Variants in CADM2 observed in about 807,000 individuals in gnomAD.
CADM2 encodes the protein immunoglobulin superfamily member 4D.
CADM2 carries 12 observed loss-of-function variants against 49.8 expected under a neutral mutation model. The ratio of observed to expected loss-of-function variants is 0.24; its 90% CI spans 0.15 to 0.39. CADM2 has a LOEUF of 0.39. Ranked by LOEUF, CADM2 falls within the 10% of genes least tolerant of loss-of-function variation. CADM2 has a pLI of 1.00. For synonymous variants in CADM2, 214 were observed against 175.4 expected (o/e 1.22, Z -1.74); for missense variants, 378 against 492.3 (o/e 0.77, Z 2.20).
At chr3:85,774,572 C>G (rs1331711712) in intron 2 of CADM2, among the ~76,000 whole-genome samples, 1 of 151,140 alleles carries the variant, frequency 6.6e-6, no homozygotes, top group East Asian at 1.9e-4. Flanking sequence ...TTTTATTAGT[C>G]TCTTGCAACC....
At chr3:85,559,562 T>C (rs2062038662) in intron 1 of CADM2, among the ~76,000 whole-genome samples, 1 of 152,032 alleles carries the variant, frequency 6.6e-6, no homozygotes, top group South Asian at 2.1e-4. Flanking sequence ...AGTAAATATA[T>C]TTTTACCTGA....
chr3:85,586,680 TG>T (rs1481782116), intron 1 of CADM2, among the ~76,000 whole-genome samples: 1 of 152,148 alleles, frequency 6.6e-6, no homozygotes, highest in East Asian at 1.9e-4. Flanking sequence ...CAAAAGTAAC[TG>T]TGGTTTTTAC....
intron 1 of CADM2, among the ~76,000 whole-genome samples, chr3:85,362,904 CACTT>C (rs1448622195): frequency 9.2e-5 from 14 of 152,272 alleles, no homozygotes; most frequent in South Asian, 4.1e-4. Flanking sequence ...AAAATTCAAA[CACTT>C]ACGAATGTAA....
At chr3:85,096,960 G>A (rs1040882281) in intron 1 of CADM2, among the ~76,000 whole-genome samples, 1 of 152,044 alleles carries the variant, frequency 6.6e-6, no homozygotes, top group African/African-American at 2.4e-5. Context: ...GGAAATGCTA[G>A]TAGTGTGCCA....
intron 1 of CADM2, among the ~76,000 whole-genome samples, chr3:85,291,626 C>T (rs951667407): frequency 1.4e-5 from 2 of 146,758 alleles, no homozygotes; most frequent in Admixed American, 6.6e-5. Context: ...AGAGTGGGGG[C>T]CAATATTCAA....
At chr3:85,143,686 T>G (rs936687086) in intron 1 of CADM2, among the ~76,000 whole-genome samples, 5 of 152,186 alleles carry the variant, frequency 3.3e-5, no homozygotes, top group African/African-American at 1.2e-4. Flanking sequence ...TACTTACACC[T>G]TCTAACTCCA....
At chr3:85,237,794 T>G (rs1237773450) in intron 1 of CADM2, among the ~76,000 whole-genome samples, 2 of 151,852 alleles carry the variant, frequency 1.3e-5, no homozygotes, top group African/African-American at 4.8e-5. Flanking sequence ...TCAAGATACA[T>G]GTTGGTAGTT....
intron 1 of CADM2, among the ~76,000 whole-genome samples, chr3:85,067,178 A>G (rs979947327): frequency 6.6e-6 from 1 of 152,108 alleles, no homozygotes; most frequent in Non-Finnish European, 1.5e-5. Flanking sequence ...GAATGTTCAT[A>G]ATATTAAATA....
chr3:85,256,839 G>C (rs983999137), intron 1 of CADM2, among the ~76,000 whole-genome samples: 10 of 152,068 alleles, frequency 6.6e-5, no homozygotes, highest in Non-Finnish European at 1.3e-4. Flanking sequence ...TTTATCTACT[G>C]TGGTTTGAAT....
At chr3:85,543,420 A>ATGTGTGTGGGGGGGTGTG (rs372108050) in intron 1 of CADM2, among the ~76,000 whole-genome samples, 13 of 129,584 alleles carry the variant, frequency 1.0e-4, no homozygotes, top group East Asian at 7.9e-4. Context: ...TGCCAAGCTA[A>ATGTGTGTGGGGGGGTGTG]TGTGTGTGTG....
chr3:85,606,312 T>G (rs1202029318), intron 1 of CADM2, among the ~76,000 whole-genome samples: 1 of 152,098 alleles, frequency 6.6e-6, no homozygotes, highest in Non-Finnish European at 1.5e-5. Context: ...TACCCCACAC[T>G]GCTTTCCACA....
chr3:86,015,644 T>C (rs554300506), intron 8 of CADM2, among the ~76,000 whole-genome samples: 1 of 152,368 alleles, frequency 6.6e-6, no homozygotes, highest in Non-Finnish European at 1.5e-5. Context: ...ATTTTGTCTT[T>C]CTCTAACTTA....
chr3:85,908,251 C>CTTT (rs1559735108), intron 5 of CADM2, among the ~76,000 whole-genome samples: 1 of 74,818 alleles, frequency 1.3e-5, no homozygotes, highest in Non-Finnish European at 2.7e-5. Flanking sequence ...TTTTTTTTTT[C>CTTT]TTCTTTTTTT....
At chr3:85,554,901 A>T (rs1311491376) in intron 1 of CADM2, among the ~76,000 whole-genome samples, 22 of 144,628 alleles carry the variant, frequency 1.5e-4, no homozygotes, top group Non-Finnish European at 9.0e-5. Flanking sequence ...TTTTTTGTGC[A>T]GACTGTGTCT....
chr3:85,508,610 G>A (rs375775538), intron 1 of CADM2, among the ~76,000 whole-genome samples: 1 of 152,104 alleles, frequency 6.6e-6, no homozygotes, highest in Non-Finnish European at 1.5e-5. Context: ...AAATGCTTTC[G>A]GCTAGAAGAT....
intron 1 of CADM2, among the ~76,000 whole-genome samples, chr3:85,401,711 C>A (rs2035119572): frequency 1.3e-5 from 2 of 152,128 alleles, no homozygotes; most frequent in South Asian, 4.1e-4. Context: ...GTCCTCTCTC[C>A]TGCCTGCCAA....
chr3:85,098,551 T>G (rs1386212282), intron 1 of CADM2, among the ~76,000 whole-genome samples: 1 of 152,144 alleles, frequency 6.6e-6, no homozygotes, highest in South Asian at 2.1e-4. Context: ...TCACTGTAAT[T>G]TATTATCTCC....
intron 2 of CADM2, among the ~76,000 whole-genome samples, chr3:85,731,269 G>A (rs74552725): frequency 0.049 from 7,413 of 152,158 alleles, 339 homozygotes; most frequent in East Asian, 0.2. Flanking sequence ...TAAGTCAGGT[G>A]CCTATATTTT....
At chr3:85,064,575 T>A (rs1213350248) in intron 1 of CADM2, among the ~76,000 whole-genome samples, 1 of 151,634 alleles carries the variant, frequency 6.6e-6, no homozygotes, top group Non-Finnish European at 1.5e-5. Context: ...ATAGTCACTA[T>A]TTTTTTGAAA....
Sources: allele counts gnomAD v4.1 joint callset (sites outside exome capture counted in the v4.1 genomes callset), GRCh38; gene constraint gnomAD v4.1.1; transcripts MANE v1.5; gene names NCBI Gene and HGNC (gene_info 2026-07-23, HGNC 2026-07-21).